Variants in WDR70 observed in about 807,000 individuals in gnomAD.
WDR70 encodes the protein WD repeat domain 70, also known as WD repeat-containing protein 70.
In WDR70, 53 loss-of-function variants were observed where a neutral mutation model predicts 88.6. The ratio of observed to expected loss-of-function variants is 0.60; its 90% CI spans 0.48 to 0.75. The LOEUF is 0.75. Among genes scored for constraint, WDR70 ranks in the 30% least tolerant of loss-of-function variants. WDR70 has a pLI of 0.00. For synonymous variants in WDR70, 280 were observed against 270.0 expected, an observed-to-expected ratio of 1.04 and a Z score of -0.36; for missense variants, 610 against 823.2, an observed-to-expected ratio of 0.74 and a Z score of 3.17.
intron 10 of WDR70, among the ~76,000 whole-genome samples, chr5:37,687,098 A>G (rs1276428786): frequency 1.3e-5 from 2 of 152,102 alleles, no homozygotes; most frequent in African/African-American, 2.4e-5. Flanking sequence ...GATTCCCGAC[A>G]TTATGCCTGA....
At chr5:37,563,649 G>C (rs10059779) in intron 9 of WDR70, among the ~76,000 whole-genome samples, 2 of 66,822 alleles carry the variant, frequency 3.0e-5, no homozygotes, top group African/African-American at 8.5e-5. Context: ...CTGGCCGGGC[G>C]GGGGGCTGAC....
At chr5:37,441,575 T>G (rs1269555441) in intron 6 of WDR70, among the ~76,000 whole-genome samples, 2 of 152,146 alleles carry the variant, frequency 1.3e-5, no homozygotes, top group African/African-American at 4.8e-5. Flanking sequence ...ATCCCAGCTT[T>G]GCGAGTCTGA....
chr5:37,636,110 A>G (rs1744957314), intron 10 of WDR70, among the ~76,000 whole-genome samples: 1 of 152,192 alleles, frequency 6.6e-6, no homozygotes, highest in African/African-American at 2.4e-5. Flanking sequence ...CCACATGAGA[A>G]TGGACTAATA....
chr5:37,605,946 C>G (rs1399463936), intron 10 of WDR70, among the ~76,000 whole-genome samples: 2 of 152,138 alleles, frequency 1.3e-5, no homozygotes, highest in Non-Finnish European at 2.9e-5. Flanking sequence ...TAAAATTCTA[C>G]ACAAACACAT....
intron 9 of WDR70, among the ~76,000 whole-genome samples, chr5:37,565,941 C>T (rs76522124): frequency 6.6e-6 from 1 of 152,194 alleles, no homozygotes; most frequent in East Asian, 1.9e-4. Context: ...ATTAGTATTA[C>T]TTGCTTTTAC....
intron 5 of WDR70, among the ~76,000 whole-genome samples, chr5:37,410,839 T>C (rs971432510): frequency 1.3e-5 from 2 of 152,198 alleles, no homozygotes; most frequent in Non-Finnish European, 2.9e-5. Flanking sequence ...AATGTGAGCA[T>C]AGAACTGTAA....
intron 5 of WDR70, among the ~76,000 whole-genome samples, chr5:37,433,561 A>G (rs562262785): frequency 4.6e-5 from 7 of 152,320 alleles, no homozygotes; most frequent in African/African-American, 1.7e-4. Context: ...AAAATGGCAT[A>G]GTGCTGTATA....
rs550821207 is a variant in WDR70, at chr5:37,500,716, C to CT, written c.841-15772dup. On this transcript the variant is annotated intron_variant, in intron 8 of 17. Coordinates refer to ENST00000265107, the MANE Select transcript of WDR70 (RefSeq NM_018034.4). ...GAGCATTTTATCATATATTTGTTGGCTTTTTTTTTTTTTTTTTTTTTTTTT... is the reference window on the plus strand; with the variant it reads ...GAGCATTTTATCATATATTTGTTGGCTTTTTTTTTTTTTTTTTTTTTTTTTT... Among the ~76,000 whole-genome samples the CT allele has an allele frequency of 4.3e-3, 271 of 63,268 alleles. 49 individuals are homozygous for CT. The highest frequency in any genetic ancestry group is 9.0e-3 in the East Asian group (17 of 1,886). The allele number at this position is 63,268 out of a possible 152,430, so 41.5% of individuals were successfully genotyped here.
At chr5:37,554,481 G>A (rs531002425) in intron 9 of WDR70, among the ~76,000 whole-genome samples, 2 of 152,100 alleles carry the variant, frequency 1.3e-5, no homozygotes, top group African/African-American at 2.4e-5. Context: ...ATGAATGGAA[G>A]TCCAGGAAAG....
At position 37,472,425 on chromosome 5, in the gene WDR70, A is replaced by T. The variant is rs60609972; in HGVS notation, c.687-7409A>T. Among the ~76,000 whole-genome samples, 1,353 of 152,154 alleles carry T rather than the reference A, an allele frequency of 8.9e-3. 41 individuals are homozygous for T. Among genetic ancestry groups the T allele is most frequent in the African/African-American group, 0.031 (1,282 of 41,406 alleles). The stretch of plus-strand genomic sequence containing the variant: ...TGTTTTACTCAATAAAATGTTTATG[A>T]CATTTATCCATGTATTTCATTGCAT... On this transcript the variant is annotated intron_variant, in intron 7 of 17. Coordinates refer to ENST00000265107, the MANE Select transcript of WDR70 (RefSeq NM_018034.4).
chr5:37,419,533 G>T (rs1315832336), intron 5 of WDR70, among the ~76,000 whole-genome samples: 2 of 151,374 alleles, frequency 1.3e-5, no homozygotes, highest in African/African-American at 4.9e-5. Context: ...CTGAATTTAG[G>T]CTGGGCATGG....
chr5:37,440,919 T>A (rs886919327), intron 6 of WDR70, among the ~76,000 whole-genome samples: 5 of 152,218 alleles, frequency 3.3e-5, no homozygotes, highest in African/African-American at 7.2e-5. Flanking sequence ...AATTTTTAGT[T>A]CTCCTTTCTT....
intron 8 of WDR70, chr5:37,506,307 A>G: frequency 1.1e-6 from 1 of 928,274 alleles, no homozygotes; most frequent in Non-Finnish European, 1.8e-6. Flanking sequence ...TGCCACTTCT[A>G]GGTGTTCAAT....
At chr5:37,682,399 G>GT (rs1746464951) in intron 10 of WDR70, among the ~76,000 whole-genome samples, 1 of 151,694 alleles carries the variant, frequency 6.6e-6, no homozygotes, top group African/African-American at 2.4e-5. Flanking sequence ...CTTTTGAATG[G>GT]TTTTTTTGTG....
intron 3 of WDR70, among the ~76,000 whole-genome samples, chr5:37,383,784 C>T (rs1355822435): frequency 3.3e-5 from 5 of 151,346 alleles, no homozygotes; most frequent in Admixed American, 2.0e-4. Flanking sequence ...GGGGTTTCAC[C>T]GTGTTAGGCA....
intron 5 of WDR70, 59 bp downstream of exon 5, chr5:37,396,629 C>T (rs748827475): frequency 7.4e-6 from 11 of 1,491,812 alleles, no homozygotes; most frequent in Non-Finnish European, 8.9e-6. Flanking sequence ...CTGTAGAGAT[C>T]AGTTCTGCTA....
intron 8 of WDR70, among the ~76,000 whole-genome samples, chr5:37,493,516 C>T (rs1207774431): frequency 1.3e-5 from 2 of 152,194 alleles, no homozygotes; most frequent in Non-Finnish European, 2.9e-5. Context: ...CCAGAATAAA[C>T]TTAGAAGCAG....
intron 7 of WDR70, among the ~76,000 whole-genome samples, chr5:37,476,385 T>C (rs1739485675): frequency 6.6e-6 from 1 of 152,160 alleles, no homozygotes; most frequent in South Asian, 2.1e-4. Context: ...CCCCTTGTTA[T>C]AGGCAAGAAT....
chr5:37,578,087 G>C (rs1202351098), intron 9 of WDR70, among the ~76,000 whole-genome samples: 4 of 152,164 alleles, frequency 2.6e-5, no homozygotes, highest in Non-Finnish European at 4.4e-5. Context: ...TGTTGTATTT[G>C]GCAGCCAGGC....
Sources: allele counts gnomAD v4.1 joint callset (sites outside exome capture counted in the v4.1 genomes callset), GRCh38; gene constraint gnomAD v4.1.1; transcripts MANE v1.5; gene names NCBI Gene and HGNC (gene_info 2026-07-23, HGNC 2026-07-21).